The following ABCC1 variants were observed in gnomAD, a reference collection of about 807,000 sequenced individuals.
ABCC1 encodes multidrug resistance-associated protein 1.
Under a neutral mutation model 172.9 loss-of-function variants are expected in ABCC1, and 83 were observed. That is an observed-to-expected ratio of 0.48 (90% CI 0.40 to 0.58). The LOEUF (loss-of-function observed/expected upper bound fraction) is 0.58, where lower values mean the gene tolerates loss of function less well. Ranked by LOEUF, ABCC1 falls within the 20% of genes least tolerant of loss-of-function variation. ABCC1 has a pLI of 0.00. For synonymous variants in ABCC1, 937 were observed against 825.2 expected (o/e 1.14, Z -2.32); for missense variants, 1,817 against 2,002.7 (o/e 0.91, Z 1.77).
intron 11 of ABCC1, among the ~76,000 whole-genome samples, chr16:16,053,674 C>G (rs748218188): frequency 6.7e-6 from 1 of 148,256 alleles, no homozygotes; most frequent in Non-Finnish European, 1.5e-5. Flanking sequence ...GTAGTCCCAG[C>G]TACTTGGGAG....
chr16:16,102,562 T>A, intron 19 of ABCC1, 65 bp from the exon 20 acceptor site: 1 of 1,488,036 alleles, frequency 6.7e-7, no homozygotes, highest in East Asian at 2.5e-5. Flanking sequence ...CCGGTTTTTG[T>A]TGCCCTTGGT....
At chr16:16,036,961 A>G (rs983981226) in intron 7 of ABCC1, among the ~76,000 whole-genome samples, 6 of 152,002 alleles carry the variant, frequency 3.9e-5, no homozygotes, top group African/African-American at 1.5e-4. Context: ...AAAATTAGCT[A>G]GGCATGGTGG....
chr16:16,103,430 A>G (rs960834877), intron 20 of ABCC1, among the ~76,000 whole-genome samples: 3 of 151,726 alleles, frequency 2.0e-5, no homozygotes, highest in Non-Finnish European at 4.4e-5. Context: ...AGATACAAAA[A>G]TTAGCCAGGC....
chr16:16,133,372 T>TTTTTTG (rs10638507), intron 27 of ABCC1, among the ~76,000 whole-genome samples: 77,972 of 148,512 alleles, frequency 0.53, 21,860 homozygotes, highest in South Asian at 0.68. Context: ...CTTGCTGTCT[T>TTTTTTG]TTTTTGTTTT....
At position 16,036,574 on chromosome 16, in the gene ABCC1, C is replaced by G; in HGVS notation, c.780C>G (p.Asn260Lys). 1.2e-6 allele frequency: 2 copies of G among 1,614,102 alleles called. No homozygotes were observed. The highest frequency in any genetic ancestry group is 1.7e-6 in the Non-Finnish European group (2 of 1,179,962). The change falls in exon 7 of 31, where the codon AAC becomes AAG. Residue 260 changes from asparagine (N) to lysine (K), a missense_variant. Transcript: ENST00000399410. ...AAGTCGTGCCTGTTTTGGTAAAGAACTGGAAGAAGGAATGCGCCAAGACTA... is the reference window on the plus strand; with the variant it reads ...AAGTCGTGCCTGTTTTGGTAAAGAAGTGGAAGAAGGAATGCGCCAAGACTA... ...SEQVVPVLVKNWKKECAKTRK... is the reference protein window; with the variant it reads ...SEQVVPVLVKKWKKECAKTRK...
At chr16:16,048,386 G>A in intron 10 of ABCC1, 83 bp downstream of exon 10, 1 of 1,521,876 alleles carries the variant, frequency 6.6e-7, no homozygotes, top group Non-Finnish European at 9.0e-7. Flanking sequence ...GGGTGTTGAT[G>A]GTAATGGCAT....
rs1030169493 is a variant in ABCC1 at position 16,142,363 on chromosome 16, C to G, written c.*1082C>G. ...TTCTTACCACCTCTTTTCTTTCCCTCTCATGGTACCTGCTCATGGTTATGA... is the reference window on the plus strand; with the variant it reads ...TTCTTACCACCTCTTTTCTTTCCCTGTCATGGTACCTGCTCATGGTTATGA... On this transcript the variant is annotated 3_prime_UTR_variant, in exon 31 of 31. Transcript: ENST00000399410. 6.6e-6 allele frequency: 1 copy of G among 152,168 alleles called. No individual in the cohort carries two copies. Among genetic ancestry groups the G allele is most frequent in the Non-Finnish European group, 1.5e-5 (1 of 68,034 alleles). The allele number at this position is 152,168 out of a possible 1,614,324, so 9.4% of individuals were successfully genotyped here.
At chr16:16,069,627 G>A (rs909734985) in intron 13 of ABCC1, among the ~76,000 whole-genome samples, 1 of 151,856 alleles carries the variant, frequency 6.6e-6, no homozygotes, top group African/African-American at 2.4e-5. Context: ...CTGATAGCAG[G>A]CTTTGTCAAA....
chr16:16,023,695 A>T (rs1367964631), intron 5 of ABCC1, among the ~76,000 whole-genome samples: 1 of 152,052 alleles, frequency 6.6e-6, no homozygotes, highest in Non-Finnish European at 1.5e-5. Context: ...GCTCTGAGGG[A>T]GGGAAGTGCT....
chr16:16,127,495 A>T (rs1304970047), intron 26 of ABCC1, among the ~76,000 whole-genome samples: 2 of 152,114 alleles, frequency 1.3e-5, no homozygotes, highest in Non-Finnish European at 2.9e-5. Flanking sequence ...CACCATGCCC[A>T]GCCCAGCCCT....
chr16:15,986,688 C>T (rs999258394), intron 1 of ABCC1, among the ~76,000 whole-genome samples: 1 of 152,196 alleles, frequency 6.6e-6, no homozygotes, highest in Non-Finnish European at 1.5e-5. Flanking sequence ...CTCCCCATTC[C>T]AAAGTCCTTA....
chr16:16,060,701 T>C (rs1010855080), intron 12 of ABCC1, among the ~76,000 whole-genome samples: 3 of 152,008 alleles, frequency 2.0e-5, no homozygotes, highest in Admixed American at 6.6e-5. Context: ...TTAATATTTT[T>C]AGTAGAGATG....
Position 16,046,032 on chromosome 16 carries a change from T to C in ABCC1, c.1218+19T>C. The C allele has an allele frequency of 6.2e-7, 1 of 1,612,772 alleles. No individual in the cohort carries two copies. Among genetic ancestry groups the C allele is most frequent in the Non-Finnish European group, 8.5e-7 (1 of 1,179,350 alleles). On this transcript the variant is annotated intron_variant, in intron 9 of 30. Coordinates refer to ENST00000399410, the MANE Select transcript of ABCC1 (RefSeq NM_004996.4). ...TCGGAAGGTAGGGGACGCTGTGCCA[T>C]TGGCATGTGGCCCGACTTCCACATC...
At chr16:16,037,695 A>G (rs1361365908) in intron 7 of ABCC1, among the ~76,000 whole-genome samples, 1 of 152,102 alleles carries the variant, frequency 6.6e-6, no homozygotes, top group Non-Finnish European at 1.5e-5. Flanking sequence ...TTCCCCACAG[A>G]CCCATTGGCC....
chr16:16,106,728 G>T lies in ABCC1; in HGVS notation c.2736-10G>T. On this transcript the variant is annotated splice_polypyrimidine_tract_variant and intron_variant, in intron 20 of 30. Coordinates refer to ENST00000399410, the MANE Select transcript of ABCC1 (RefSeq NM_004996.4). ...TGTACGGTTGACACCCTTGTGCTTTGCTTCTCCAGACAGCTCAGCAGCTCC... is the reference window on the plus strand; with the variant it reads ...TGTACGGTTGACACCCTTGTGCTTTTCTTCTCCAGACAGCTCAGCAGCTCC... The T allele has an allele frequency of 6.2e-7, 1 of 1,613,864 alleles. No individual in the cohort carries two copies. The highest frequency in any genetic ancestry group is 2.2e-5 in the East Asian group (1 of 44,870).
At chr16:16,096,826 G>A (rs1346587568) in intron 19 of ABCC1, among the ~76,000 whole-genome samples, 1 of 152,060 alleles carries the variant, frequency 6.6e-6, no homozygotes, top group Non-Finnish European at 1.5e-5. Context: ...GGTAGAAACA[G>A]CACCTGGCTT....
At chr16:15,982,067 C>T (rs1283481633) in intron 1 of ABCC1, among the ~76,000 whole-genome samples, 1 of 152,168 alleles carries the variant, frequency 6.6e-6, no homozygotes, top group Non-Finnish European at 1.5e-5. Flanking sequence ...CTTCATTGTC[C>T]ATATCACTAT....
At position 16,007,847 on chromosome 16, in the gene ABCC1, C is replaced by T. The variant is rs909053714; in HGVS notation, c.80C>T (p.Pro27Leu). 3.7e-6 allele frequency: 6 copies of T among 1,612,994 alleles called. No homozygotes were observed. The African/African-American group carries it at 8.0e-5, about 22-fold the overall frequency. The change falls in exon 2 of 31, where the codon CCC becomes CTC. Residue 27 changes from proline (P) to leucine (L), a missense_variant. Physicochemically the swap from Pro to Leu is moderately conservative, Grantham distance 98. This residue lies in a region of ABCC1 where 398 missense variants were observed against 384.2 expected (regional missense o/e 1.04). Coordinates refer to ENST00000399410, the MANE Select transcript of ABCC1 (RefSeq NM_004996.4). ...DWNVTWNTSN[P>L]DFTKCFQNTV... is the part of the protein sequence containing the mutation. ...AATGTCACGTGGAATACCAGCAACCCCGACTTCACCAAGTGCTTTCAGAAC... is the reference window on the plus strand; with the variant it reads ...AATGTCACGTGGAATACCAGCAACCTCGACTTCACCAAGTGCTTTCAGAAC...
At chr16:15,971,802 G>A (rs932523077) in intron 1 of ABCC1, among the ~76,000 whole-genome samples, 2 of 152,114 alleles carry the variant, frequency 1.3e-5, no homozygotes, top group African/African-American at 4.8e-5. Context: ...ATACGGCTCC[G>A]ATGAGTGGGG....
Sources: gnomAD v4.1 joint callset for allele counts (sites outside exome capture counted in the v4.1 genomes callset) on GRCh38, gnomAD v4.1.1 for gene constraint, gnomAD v4.1.1 regional missense constraint, MANE v1.5 for transcripts, NCBI Gene and HGNC (gene_info 2026-07-23, HGNC 2026-07-21) for gene names.